The following SPINK5 variants were observed in gnomAD, a reference collection of about 807,000 sequenced individuals.
SPINK5 encodes serine protease inhibitor Kazal-type 5.
In SPINK5, 125 loss-of-function variants were observed where a neutral mutation model predicts 151.8. The observed-to-expected ratio is 0.82, with a 90% CI of 0.71 to 0.96. The LOEUF (loss-of-function observed/expected upper bound fraction) is 0.96, where lower values mean the gene tolerates loss of function less well. Among genes scored for constraint, SPINK5 ranks in the 40% least tolerant of loss-of-function variants. The probability of loss-of-function intolerance (pLI) is 0.00; values close to 1 mark genes in which losing one functional copy is unlikely to be tolerated. For missense variants in SPINK5, 1,194 were observed against 1,291.9 expected, an observed-to-expected ratio of 0.92 and a Z score of 1.16; for synonymous variants, 374 against 395.3, an observed-to-expected ratio of 0.95 and a Z score of 0.64.
At chr5:148,133,300 T>C (rs1201924433) in intron 31 of SPINK5, among the ~76,000 whole-genome samples, 1 of 152,230 alleles carries the variant, frequency 6.6e-6, no homozygotes, top group Non-Finnish European at 1.5e-5. Context: ...AGTTTCCCAT[T>C]ACCAGAGGCA....
chr5:148,113,372 T>C (rs1250088187), intron 20 of SPINK5, among the ~76,000 whole-genome samples: 1 of 152,184 alleles, frequency 6.6e-6, no homozygotes, highest in African/African-American at 2.4e-5. Flanking sequence ...TCAGTACCAA[T>C]AGCTTCATAT....
rs1561693755 is a variant in SPINK5, at chr5:148,108,774, G to A, written c.1629G>A (p.Lys543=). The change falls in exon 18 of 33, where the codon AAG becomes AAA. Residue 543 remains lysine, a synonymous_variant. Coordinates refer to ENST00000256084, the MANE Select transcript of SPINK5 (RefSeq NM_006846.4). ...ASVFKLEEEE[K]KNDKEEKGKV... ...ACAGCAAACTTGAAGAAGAAGAGAAGAAAAATGATAAAGAAGAAAAAGGGA... is the reference window on the plus strand; with the variant it reads ...ACAGCAAACTTGAAGAAGAAGAGAAAAAAAATGATAAAGAAGAAAAAGGGA... 1 of 1,611,556 alleles carries A rather than the reference G, an allele frequency of 6.2e-7. No homozygotes were observed. The highest frequency in any genetic ancestry group is 2.2e-5 in the East Asian group (1 of 44,762).
At chr5:148,111,341 G>A (rs1038396017) in intron 18 of SPINK5, among the ~76,000 whole-genome samples, 1 of 152,062 alleles carries the variant, frequency 6.6e-6, no homozygotes, top group Non-Finnish European at 1.5e-5. Flanking sequence ...GGCAATACAG[G>A]ATAATCTCTT....
chr5:148,094,104 G>A lies in SPINK5; in HGVS notation c.667-250G>A, dbSNP rs7700488. Among the ~76,000 whole-genome samples, 70,446 of 151,550 alleles carry A rather than the reference G, an allele frequency of 0.46. 17,105 individuals carry two copies. The highest frequency in any genetic ancestry group is 0.59 in the Admixed American group (9,036 of 15,210). On this transcript the variant is annotated intron_variant, in intron 8 of 32. Transcript: ENST00000256084. The stretch of plus-strand genomic sequence containing the variant: ...GAGCCAAGGAATTCAAGACCAGCCC[G>A]GGCAACATGATGAGATCCAGTCTCT...
At chr5:148,094,767 A>T (rs1429218414) in intron 9 of SPINK5, among the ~76,000 whole-genome samples, 1 of 151,964 alleles carries the variant, frequency 6.6e-6, no homozygotes, top group African/African-American at 2.4e-5. Flanking sequence ...CTGTTTGTGA[A>T]CTAATTCTAG....
intron 8 of SPINK5, among the ~76,000 whole-genome samples, chr5:148,093,412 C>T (rs1753366821): frequency 6.6e-6 from 1 of 151,742 alleles, no homozygotes; most frequent in African/African-American, 2.4e-5. Context: ...GATGATCTAT[C>T]TGTCTAAGGT....
chr5:148,105,676 C>T (rs1262470541), intron 16 of SPINK5, among the ~76,000 whole-genome samples: 6 of 151,642 alleles, frequency 4.0e-5, no homozygotes, highest in South Asian at 2.1e-4. Flanking sequence ...AGTGCAGTGG[C>T]GCAGATCTGG....
At chr5:148,071,575 A>G (rs1752738432) in intron 3 of SPINK5, among the ~76,000 whole-genome samples, 1 of 152,126 alleles carries the variant, frequency 6.6e-6, no homozygotes, top group Non-Finnish European at 1.5e-5. Context: ...AATAATGTAA[A>G]ACAAAAATGA....
intron 4 of SPINK5, among the ~76,000 whole-genome samples, chr5:148,075,716 T>G (rs906555828): frequency 3.3e-5 from 5 of 151,746 alleles, no homozygotes; most frequent in Admixed American, 3.3e-4. Context: ...GCATTTATCT[T>G]GAAAAACTGC....
chr5:148,070,772 CAAAG>C (rs1455678196), intron 3 of SPINK5, among the ~76,000 whole-genome samples: 10 of 152,012 alleles, frequency 6.6e-5, no homozygotes, highest in African/African-American at 1.4e-4. Context: ...ATGAATTTGA[CAAAG>C]AAAGTCAGAT....
chr5:148,119,036 G>T lies in SPINK5; in HGVS notation c.2291G>T (p.Gly764Val), dbSNP rs373599568. ...GAGTATTCTCGCTCCAGATCAAATGGGACTGGATCAGAATCAGGGAAGGTG... is the reference window on the plus strand; with the variant it reads ...GAGTATTCTCGCTCCAGATCAAATGTGACTGGATCAGAATCAGGGAAGGTG... ...KNEYSRSRSN[G>V]TGSESGKDTC... The change falls in exon 24 of 33, where the codon GGG (glycine) becomes GTG (valine). Residue 764 changes from glycine to valine, a missense_variant. Transcript: ENST00000256084. 1 of 1,613,996 alleles carries T rather than the reference G, an allele frequency of 6.2e-7. No individual in the cohort carries two copies. Among genetic ancestry groups the T allele is most frequent in the Non-Finnish European group, 8.5e-7 (1 of 1,179,936 alleles).
chr5:148,136,923 G>A (rs562109659), intron 32 of SPINK5, 60 bp from the exon 33 acceptor site: 95 of 1,598,760 alleles, frequency 5.9e-5, no homozygotes, highest in Admixed American at 2.8e-4. Context: ...TAAATATACA[G>A]CCCACATTTC....
Position 148,137,371 on chromosome 5 carries a change from TG to T in SPINK5, c.*381del. ...AATAAACTCTACCCTTTTGTCTTTT[TG>T]TGTTGCTAAACCCATTGGTGGACAG... On this transcript the variant is annotated 3_prime_UTR_variant, in exon 33 of 33. Coordinates refer to ENST00000256084, the MANE Select transcript of SPINK5 (RefSeq NM_006846.4). The T allele has an allele frequency of 3.5e-6, 1 of 282,724 alleles. No individual in the cohort carries two copies. Among genetic ancestry groups the T allele is most frequent in the Non-Finnish European group, 6.7e-6 (1 of 148,586 alleles). 17.5% of individuals were successfully genotyped at this position (282,724 alleles called of 1,614,324 possible).
chr5:148,124,107 C>T, intron 27 of SPINK5, 147 bp downstream of exon 27: 1 of 997,728 alleles, frequency 1.0e-6, no homozygotes, highest in Non-Finnish European at 1.5e-6. Flanking sequence ...TTCCAAAGCA[C>T]TTTCACAATA....
In SPINK5 at chr5:148,101,354, G is replaced by C. The variant is rs1408277376; in HGVS notation, c.1221-1G>C. 3 of 1,603,480 alleles carry C rather than the reference G, an allele frequency of 1.9e-6. No individual in the cohort carries two copies. Among genetic ancestry groups the C allele is most frequent in the Non-Finnish European group, 2.6e-6 (3 of 1,171,020 alleles). On this transcript the variant is annotated splice_acceptor_variant, in intron 13 of 32. Coordinates refer to ENST00000256084, the MANE Select transcript of SPINK5 (RefSeq NM_006846.4). LOFTEE classifies it high-confidence loss of function. ...ATCTCTTCTTAACCATCCTTTTTTA[G>C]CCAAGCAGAAGAAGAAGAAAAGAAA...
intron 2 of SPINK5, among the ~76,000 whole-genome samples, chr5:148,068,318 A>G (rs1321349003): frequency 6.6e-6 from 1 of 152,072 alleles, no homozygotes; most frequent in African/African-American, 2.4e-5. Context: ...TTCACCATTA[A>G]TCATTTTGCA....
chr5:148,116,276 C>T, intron 21 of SPINK5, 94 bp from the exon 22 acceptor site: 1 of 1,239,724 alleles, frequency 8.1e-7, no homozygotes, highest in Non-Finnish European at 1.2e-6. Flanking sequence ...TAATTCTGTA[C>T]ATATGTGATT....
At chr5:148,132,941 T>TTATC (rs2113238056) in intron 31 of SPINK5, among the ~76,000 whole-genome samples, 1 of 152,290 alleles carries the variant, frequency 6.6e-6, no homozygotes, top group African/African-American at 2.4e-5. Context: ...TATATATACC[T>TTATC]TATCTCCAGC....
intron 19 of SPINK5, among the ~76,000 whole-genome samples, 197 bp downstream of exon 19, chr5:148,112,092 A>G (rs757196198): frequency 5.2e-4 from 79 of 152,226 alleles, no homozygotes; most frequent in Non-Finnish European, 9.4e-4. Context: ...TCTGAGAGGT[A>G]CTTGAATCAC....
Sources: gnomAD v4.1 joint callset for allele counts (sites outside exome capture counted in the v4.1 genomes callset) on GRCh38, gnomAD v4.1.1 for gene constraint, MANE v1.5 for transcripts, NCBI Gene and HGNC (gene_info 2026-07-23, HGNC 2026-07-21) for gene names.